Variants in PTPN11 observed in about 807,000 individuals in gnomAD.
PTPN11 encodes protein tyrosine phosphatase non-receptor type 11, also known as tyrosine-protein phosphatase non-receptor type 11.
A neutral mutation model predicts 78.8 loss-of-function variants in PTPN11; 6 were observed. The ratio of observed to expected loss-of-function variants is 0.08; its 90% CI spans 0.04 to 0.15. The LOEUF (loss-of-function observed/expected upper bound fraction) is 0.15, where lower values mean the gene tolerates loss of function less well. Ranked by LOEUF, PTPN11 falls within the 10% of genes least tolerant of loss-of-function variation. The pLI is 1.00. For synonymous variants in PTPN11, 221 were observed against 263.5 expected (o/e 0.84, Z 1.56); for missense variants, 386 against 744.8 (o/e 0.52, Z 5.61).
At chr12:112,423,927 T>C (rs951982445) in intron 1 of PTPN11, among the ~76,000 whole-genome samples, 4 of 151,894 alleles carry the variant, frequency 2.6e-5, no homozygotes, top group African/African-American at 9.7e-5. Context: ...ATTTTTCTAT[T>C]TTTTTGTAGA....
At chr12:112,472,554 G>A (rs1170197664) in intron 6 of PTPN11, among the ~76,000 whole-genome samples, 18 of 146,024 alleles carry the variant, frequency 1.2e-4, no homozygotes, top group South Asian at 1.1e-3. Context: ...TTTTTTTTGA[G>A]ACGGAGTCTC....
intron 7 of PTPN11, among the ~76,000 whole-genome samples, chr12:112,476,556 GTCAGGA>G (rs1249648186): frequency 6.6e-6 from 1 of 152,116 alleles, no homozygotes; most frequent in Admixed American, 6.6e-5. Flanking sequence ...ATCACCTGAG[GTCAGGA>G]GTTCAAGATC....
intron 1 of PTPN11, among the ~76,000 whole-genome samples, chr12:112,441,021 T>C (rs2037881282): frequency 6.7e-6 from 1 of 149,632 alleles, no homozygotes; most frequent in African/African-American, 2.5e-5. Flanking sequence ...TAGAGTGCAG[T>C]GGTGGCGATC....
intron 1 of PTPN11, among the ~76,000 whole-genome samples, chr12:112,423,438 A>G (rs1473915265): frequency 1.8e-4 from 27 of 151,944 alleles, no homozygotes; most frequent in Non-Finnish European, 3.8e-4. Context: ...GGTGCGTGCC[A>G]CCATGTCTGG....
intron 1 of PTPN11, among the ~76,000 whole-genome samples, chr12:112,423,676 TTGTA>T (rs1211244460): frequency 1.3e-5 from 2 of 152,178 alleles, no homozygotes; most frequent in African/African-American, 4.8e-5. Context: ...CAAATACACA[TTGTA>T]TGTGTTTCTG....
chr12:112,449,585 A>G (rs1228763588), intron 2 of PTPN11, among the ~76,000 whole-genome samples: 1 of 152,190 alleles, frequency 6.6e-6, no homozygotes, highest in Non-Finnish European at 1.5e-5. Context: ...TTTATAATGC[A>G]TAGTATTCCA....
intron 13 of PTPN11, among the ~76,000 whole-genome samples, chr12:112,497,080 G>A (rs552357040): frequency 1.2e-4 from 18 of 150,932 alleles, no homozygotes; most frequent in South Asian, 2.1e-4. Context: ...GCTGAGGCAC[G>A]AGAATCACTT....
At chr12:112,489,737 A>G (rs2038722947) in intron 13 of PTPN11, among the ~76,000 whole-genome samples, 2 of 152,334 alleles carry the variant, frequency 1.3e-5, no homozygotes, top group South Asian at 2.1e-4. Context: ...GATGAAGGAA[A>G]TGAGGAGAGC....
At chr12:112,442,859 T>TATATATATAAATTATATATACACAC (rs1370995028) in intron 1 of PTPN11, among the ~76,000 whole-genome samples, 3 of 76,508 alleles carry the variant, frequency 3.9e-5, no homozygotes, top group African/African-American at 1.9e-4. Flanking sequence ...TATATATATA[T>TATATATATAAATTATATATACACAC]ATATATATAT....
At chr12:112,435,020 C>G (rs2037768155) in intron 1 of PTPN11, among the ~76,000 whole-genome samples, 1 of 151,750 alleles carries the variant, frequency 6.6e-6, no homozygotes, top group Non-Finnish European at 1.5e-5. Flanking sequence ...CTCCTGGCCT[C>G]AAGTGCTCTG....
intron 3 of PTPN11, 134 bp from the exon 4 acceptor site, chr12:112,453,061 T>C: frequency 1.3e-6 from 1 of 772,228 alleles, no homozygotes; most frequent in East Asian, 2.7e-5. Flanking sequence ...CAGGTGGGAT[T>C]GATCAATCCC....
At position 112,477,971 on chromosome 12, in the gene PTPN11, T is replaced by G. The variant is rs146571700; in HGVS notation, c.1048T>G (p.Ser350Ala). Reference sequence around the variant, plus strand: ...TTGGCGGATGGTGTTCCAAGAAAACTCCCGAGTGATTGTCATGACAACGAA... The same window carrying G: ...TTGGCGGATGGTGTTCCAAGAAAACGCCCGAGTGATTGTCATGACAACGAA... ...DFWRMVFQEN[S>A]RVIVMTTKEV... Residue 350 changes from serine (S) to alanine (A), a missense_variant, in exon 9 of 16, where the codon TCC (serine) becomes GCC (alanine). By Grantham distance (99) the Ser-to-Ala change is moderately conservative. Around this residue, in one of 3 missense-constraint regions of PTPN11, gnomAD observed 279 missense variants for 503.3 expected, o/e 0.55. Coordinates refer to ENST00000351677, the MANE Select transcript of PTPN11 (RefSeq NM_002834.5). 16 of 1,613,968 alleles carry G rather than the reference T, an allele frequency of 9.9e-6. No homozygotes were observed. The highest frequency in any genetic ancestry group is 1.4e-5 in the Non-Finnish European group (16 of 1,180,020).
In PTPN11 at chr12:112,502,248, C is replaced by T. The variant is rs749748127; in HGVS notation, c.1704C>T (p.Pro568=). Residue 568 remains proline, a synonymous_variant, in exon 14 of 16, where the codon CCC becomes CCT. Coordinates refer to ENST00000351677, the MANE Select transcript of PTPN11 (RefSeq NM_002834.5). ...TCCCGCCTTGTACTCCAACGCCACC[C>T]TGTGCAGAGTAAGTAGTGCTGAAGG... The part of the protein sequence containing the change: ...SPLPPCTPTP[P]CAEMREDSAR... 6.2e-7 allele frequency: 1 copy of T among 1,612,058 alleles called. No homozygotes were observed. The highest frequency in any genetic ancestry group is 8.5e-7 in the Non-Finnish European group (1 of 1,178,164).
chr12:112,501,092 C>T (rs773661117), intron 13 of PTPN11, among the ~76,000 whole-genome samples: 6 of 152,100 alleles, frequency 3.9e-5, no homozygotes, highest in Non-Finnish European at 7.4e-5. Context: ...TTTGATATGG[C>T]TACCCTAAGG....
At chr12:112,487,291 C>T (rs1480677652) in intron 11 of PTPN11, among the ~76,000 whole-genome samples, 1 of 151,944 alleles carries the variant, frequency 6.6e-6, no homozygotes, top group African/African-American at 2.4e-5. Flanking sequence ...TCTGACACTA[C>T]GCCCGGCTAA....
chr12:112,454,719 C>T (rs779975978), intron 5 of PTPN11, 39 bp downstream of exon 5: 7 of 1,472,636 alleles, frequency 4.8e-6, no homozygotes, highest in South Asian at 1.1e-5. Flanking sequence ...TCCTTAAAAA[C>T]TTAAAACAAA....
At chr12:112,492,120 T>C (rs2038754116) in intron 13 of PTPN11, among the ~76,000 whole-genome samples, 1 of 152,242 alleles carries the variant, frequency 6.6e-6, no homozygotes, top group Non-Finnish European at 1.5e-5. Flanking sequence ...AGAATGCCTT[T>C]CAGTTTGGAT....
rs75753168 is a variant in PTPN11, at chr12:112,483,098, T to C, written c.1224+893T>C. Among the ~76,000 whole-genome samples the C allele has an allele frequency of 8.5e-5, 13 of 152,188 alleles. No homozygotes were observed. In the East Asian group the frequency reaches 2.5e-3, roughly 29 times the overall value. On this transcript the variant is annotated intron_variant, in intron 10 of 15. Transcript: ENST00000351677. ...GGCCAGTAATCTACCAGCCCAGTAA[T>C]TGCACATATAAATATATCATTATAA...
intron 1 of PTPN11, among the ~76,000 whole-genome samples, chr12:112,442,861 T>TATATATATATAAATTATATATACAC (rs2037925460): frequency 1.3e-5 from 1 of 79,668 alleles, no homozygotes; most frequent in African/African-American, 5.8e-5. Flanking sequence ...TATATATATA[T>TATATATATATAAATTATATATACAC]ATATATATAT....
Sources: gnomAD v4.1 joint callset for allele counts (sites outside exome capture counted in the v4.1 genomes callset) on GRCh38, gnomAD v4.1.1 for gene constraint, gnomAD v4.1.1 regional missense constraint, MANE v1.5 for transcripts, NCBI Gene and HGNC (gene_info 2026-07-23, HGNC 2026-07-21) for gene names.